Variants in SYNPO2 observed in about 807,000 individuals in gnomAD.
SYNPO2 encodes synaptopodin-2.
A neutral mutation model predicts 85.0 loss-of-function variants in SYNPO2; 56 were observed. That is an observed-to-expected ratio of 0.66 (90% CI 0.53 to 0.82). The LOEUF (loss-of-function observed/expected upper bound fraction) is 0.82, where lower values mean the gene tolerates loss of function less well. Among genes scored for constraint, SYNPO2 ranks in the 40% least tolerant of loss-of-function variants. SYNPO2 has a pLI of 0.00. For synonymous variants in SYNPO2, 602 were observed against 591.1 expected (o/e 1.02, Z -0.27); for missense variants, 1,575 against 1,534.2 (o/e 1.03, Z -0.44).
intron 2 of SYNPO2, 94 bp from the exon 3 acceptor site, chr4:119,026,533 A>T: frequency 1.5e-6 from 2 of 1,320,762 alleles, no homozygotes; most frequent in Non-Finnish European, 2.1e-6. Context: ...TTTTGACTAT[A>T]TCACATATTA....
At chr4:118,932,911 A>G (rs4834723) in intron 1 of SYNPO2, among the ~76,000 whole-genome samples, 94,774 of 152,074 alleles carry the variant, frequency 0.62, 30,893 homozygotes, top group East Asian at 0.83. Flanking sequence ...ATGAATAGCA[A>G]TGCTGCGAGG....
chr4:118,952,360 G>A (rs1734730971), intron 1 of SYNPO2, among the ~76,000 whole-genome samples: 1 of 151,828 alleles, frequency 6.6e-6, no homozygotes, highest in Non-Finnish European at 1.5e-5. Context: ...CCATATCTAA[G>A]AGTAAACTTT....
intron 1 of SYNPO2, among the ~76,000 whole-genome samples, chr4:118,974,738 A>G (rs1273256490): frequency 1.3e-5 from 2 of 152,074 alleles, no homozygotes; most frequent in African/African-American, 2.4e-5. Flanking sequence ...CATTATTAGG[A>G]CTTTAGATTC....
chr4:119,041,041 T>C (rs1227763173), intron 4 of SYNPO2, among the ~76,000 whole-genome samples: 4 of 152,198 alleles, frequency 2.6e-5, no homozygotes, highest in African/African-American at 9.6e-5. Flanking sequence ...GCCACTGACA[T>C]AGGGAGGAAC....
At chr4:118,917,520 G>T (rs890379625) in intron 1 of SYNPO2, among the ~76,000 whole-genome samples, 1 of 152,192 alleles carries the variant, frequency 6.6e-6, no homozygotes, top group African/African-American at 2.4e-5. Context: ...GAATAATAGT[G>T]TCAGAGTTTT....
intron 1 of SYNPO2, among the ~76,000 whole-genome samples, chr4:118,872,185 T>C (rs1284520944): frequency 6.6e-6 from 1 of 152,220 alleles, no homozygotes; most frequent in Non-Finnish European, 1.5e-5. Flanking sequence ...TATTATGCAG[T>C]GGTGAAGTCA....
rs2149131778 is a variant in SYNPO2 at position 118,928,237 on chromosome 4, T to G, written c.105+39096T>G. On this transcript the variant is annotated intron_variant, in intron 1 of 4. Coordinates refer to ENST00000307142, the MANE Select transcript of SYNPO2 (RefSeq NM_133477.3). ...GATATTTTATGGCAAGAGGTTTGTT[T>G]GTACAGAACTAATCAGTCCATGTAG... 2.0e-5 allele frequency among the ~76,000 whole-genome samples: 3 copies of G among 152,334 alleles called. No individual in the cohort carries two copies. In the South Asian group the frequency reaches 6.2e-4, roughly 32 times the overall value.
intron 1 of SYNPO2, among the ~76,000 whole-genome samples, chr4:118,962,796 C>A (rs1197906989): frequency 1.3e-5 from 2 of 152,196 alleles, no homozygotes; most frequent in Non-Finnish European, 2.9e-5. Context: ...ATTTTGTTGG[C>A]AGCTCATATT....
In SYNPO2 at chr4:119,003,411, A is replaced by G. The variant is rs1249182071; in HGVS notation, c.106-20019A>G. Among the ~76,000 whole-genome samples the G allele has an allele frequency of 2.0e-5, 3 of 152,184 alleles. No individual in the cohort carries two copies. In the East Asian group the frequency reaches 5.8e-4, roughly 29 times the overall value. ...CACGTGGGGATTACAATTTGAGATG[A>G]GATTTGGGTGGGAACACAGAGCCAA... On this transcript the variant is annotated intron_variant, in intron 1 of 4. Coordinates refer to ENST00000307142, the MANE Select transcript of SYNPO2 (RefSeq NM_133477.3).
At chr4:118,851,524 C>G (rs1408492029) in intron 1 of SYNPO2, among the ~76,000 whole-genome samples, 2 of 152,056 alleles carry the variant, frequency 1.3e-5, no homozygotes, top group Non-Finnish European at 2.9e-5. Flanking sequence ...GATTGAGGAT[C>G]CCAAAGAGTT....
chr4:119,044,915 A>G (rs1383746438), intron 4 of SYNPO2, among the ~76,000 whole-genome samples: 1 of 152,180 alleles, frequency 6.6e-6, no homozygotes, highest in Non-Finnish European at 1.5e-5. Context: ...TGTCTTCGTC[A>G]TTGCCATTAA....
intron 1 of SYNPO2, among the ~76,000 whole-genome samples, chr4:118,910,095 C>G (rs79373498): frequency 0.015 from 2,352 of 152,228 alleles, 29 homozygotes; most frequent in Non-Finnish European, 0.021. Context: ...TTCACCAGTC[C>G]CTTCTGGGTT....
At chr4:119,041,604 T>C (rs938430060) in intron 4 of SYNPO2, among the ~76,000 whole-genome samples, 3 of 152,222 alleles carry the variant, frequency 2.0e-5, no homozygotes, top group African/African-American at 7.2e-5. Flanking sequence ...TTCTGCATTA[T>C]GAAATACTCA....
At chr4:119,023,799 T>C (rs1364944944) in intron 2 of SYNPO2, among the ~76,000 whole-genome samples, 1 of 152,202 alleles carries the variant, frequency 6.6e-6, no homozygotes, top group East Asian at 1.9e-4. Flanking sequence ...AAATGCTTGT[T>C]TCAAGCACTT....
intron 1 of SYNPO2, among the ~76,000 whole-genome samples, 200 bp downstream of exon 1, chr4:118,889,341 C>A (rs965822924): frequency 1.3e-5 from 2 of 151,722 alleles, no homozygotes. Flanking sequence ...AATTAACTTG[C>A]AATCGATGAG....
At chr4:118,919,092 A>G (rs1733450077) in intron 1 of SYNPO2, among the ~76,000 whole-genome samples, 1 of 152,164 alleles carries the variant, frequency 6.6e-6, no homozygotes, top group Non-Finnish European at 1.5e-5. Context: ...GAATACAGAC[A>G]CTGATTCAGT....
intron 1 of SYNPO2, among the ~76,000 whole-genome samples, chr4:118,882,148 T>C (rs946430441): frequency 6.6e-6 from 1 of 152,246 alleles, no homozygotes; most frequent in Non-Finnish European, 1.5e-5. Flanking sequence ...TTACCTCTTA[T>C]TGTTGTCGGT....
chr4:118,936,116 C>T (rs2149135287), intron 1 of SYNPO2, among the ~76,000 whole-genome samples: 1 of 152,252 alleles, frequency 6.6e-6, no homozygotes, highest in East Asian at 1.9e-4. Flanking sequence ...CCTACAATTG[C>T]CCAGGGTATT....
At chr4:118,909,734 T>G (rs964401946) in intron 1 of SYNPO2, among the ~76,000 whole-genome samples, 4 of 152,312 alleles carry the variant, frequency 2.6e-5, no homozygotes, top group Admixed American at 6.5e-5. Flanking sequence ...CTGCCGGGGC[T>G]CTTGAGCCAG....
Sources: gnomAD v4.1 joint callset for allele counts (sites outside exome capture counted in the v4.1 genomes callset) on GRCh38, gnomAD v4.1.1 for gene constraint, MANE v1.5 for transcripts, NCBI Gene and HGNC (gene_info 2026-07-23, HGNC 2026-07-21) for gene names.